MTFR1: variants seen among roughly 807,000 people sequenced by gnomAD.
The protein encoded by MTFR1 is chondrocyte protein with a poly-proline region.
A neutral mutation model predicts 38.8 loss-of-function variants in MTFR1; 28 were observed. The ratio of observed to expected loss-of-function variants is 0.72; its 90% CI spans 0.53 to 0.99. The LOEUF (loss-of-function observed/expected upper bound fraction) is 0.99. MTFR1 is among the 50% of genes least tolerant of loss of function. The pLI is 0.00. For synonymous variants in MTFR1, 145 were observed against 137.0 expected (o/e 1.06, Z -0.41); for missense variants, 358 against 395.5 (o/e 0.91, Z 0.81).
rs775190651 is a variant in MTFR1, at chr8:65,707,838, C to G, written c.765-5C>G. The stretch of plus-strand genomic sequence containing the variant: ...GTCCCCTTGGTTTGTGTTCACTTCT[C>G]TAAGGTCAGAGCAAGATGTGAAGCC... On this transcript the variant is annotated splice_region_variant and splice_polypyrimidine_tract_variant and intron_variant, in intron 6 of 7. Transcript: ENST00000262146. The G allele has an allele frequency of 1.2e-5, 20 of 1,613,094 alleles. No individual in the cohort carries two copies. The South Asian group carries it at 1.3e-4, about 11-fold the overall frequency.
rs1805899723 is a variant in MTFR1, at chr8:65,710,052, T to G, written c.*1008T>G. ...GAAGTGGAGAACTGCCTTTTTCATC[T>G]GGGGCTTTTAAGGACTTGCTATAAA... On this transcript the variant is annotated 3_prime_UTR_variant, in exon 8 of 8. Transcript: ENST00000262146. 1 of 152,216 alleles carries G rather than the reference T, an allele frequency of 6.6e-6. No individual in the cohort carries two copies. Among genetic ancestry groups the G allele is most frequent in the Admixed American group, 6.5e-5 (1 of 15,276 alleles). 9.4% of individuals were successfully genotyped at this position (152,216 alleles called of 1,614,324 possible). A position where few individuals can be genotyped will look rare whatever the true frequency, so the allele number is the denominator to read the frequency against.
chr8:65,662,032 C>CCT (rs528476639), intron 1 of MTFR1, among the ~76,000 whole-genome samples: 1,028 of 100,336 alleles, frequency 0.01, 48 homozygotes, highest in Middle Eastern at 0.031. Flanking sequence ...TCTCTCTCTC[C>CCT]CTCTCTCTCC....
rs113930207 is a variant in MTFR1 at position 65,744,979 on chromosome 8, A to G, written c.*48+25498A>G. Among the ~76,000 whole-genome samples, 1,105 of 152,308 alleles carry G rather than the reference A, an allele frequency of 7.3e-3. 4 individuals are homozygous for G. Among genetic ancestry groups the G allele is most frequent in the Middle Eastern group, 0.014 (4 of 294 alleles). Reference sequence around the variant, plus strand: ...AATCTCACCTTGAATTGTAGTTCCCATAATTCCCATGTGTTGTGGGAGGGA... The same window carrying G: ...AATCTCACCTTGAATTGTAGTTCCCGTAATTCCCATGTGTTGTGGGAGGGA... On this transcript the variant is annotated intron_variant, in intron 3 of 3. Coordinates refer to the MTFR1 transcript ENST00000521247.
chr8:65,654,896 T>A (rs1371321908), intron 1 of MTFR1, among the ~76,000 whole-genome samples: 25 of 152,074 alleles, frequency 1.6e-4, no homozygotes, highest in Non-Finnish European at 4.4e-5. Context: ...TTTATACACA[T>A]AATATGCAGG....
intron 4 of MTFR1, among the ~76,000 whole-genome samples, chr8:65,703,690 C>T (rs760000387): frequency 1.6e-4 from 24 of 152,052 alleles, no homozygotes; most frequent in Non-Finnish European, 3.4e-4. Flanking sequence ...CCACCTTGGG[C>T]TCCCAAAGTG....
At chr8:65,733,956 G>T (rs1431290552) in intron 3 of MTFR1, among the ~76,000 whole-genome samples, 1 of 152,146 alleles carries the variant, frequency 6.6e-6, no homozygotes, top group African/African-American at 2.4e-5. Context: ...AACTGCCAGG[G>T]ATAGGAAATG....
At chr8:65,656,100 G>T (rs1044191025) in intron 1 of MTFR1, among the ~76,000 whole-genome samples, 2 of 149,518 alleles carry the variant, frequency 1.3e-5, no homozygotes, top group African/African-American at 5.0e-5. Context: ...GGAGGCTGAG[G>T]CAGGAGAATC....
At chr8:65,708,206 T>C (rs1805843563) in intron 7 of MTFR1, 195 bp downstream of exon 7, 4 of 1,102,962 alleles carry the variant, frequency 3.6e-6, no homozygotes, top group Non-Finnish European at 5.1e-6. Flanking sequence ...ATTTACACTT[T>C]TACTTTTCTA....
rs1449114516 is a variant in MTFR1, at chr8:65,709,765, G to C, written c.*721G>C. ...GGAAGAAAGATGTAGTTTTCCAGTAGTGATGAATCAAATTATTGAATTAAA... is the reference window on the plus strand; with the variant it reads ...GGAAGAAAGATGTAGTTTTCCAGTACTGATGAATCAAATTATTGAATTAAA... On this transcript the variant is annotated 3_prime_UTR_variant, in exon 8 of 8. Coordinates refer to ENST00000262146, the MANE Select transcript of MTFR1 (RefSeq NM_014637.4). The C allele has an allele frequency of 6.5e-6, 1 of 152,674 alleles. No individual in the cohort carries two copies. Among genetic ancestry groups the C allele is most frequent in the Non-Finnish European group, 1.5e-5 (1 of 68,046 alleles). 9.5% of individuals were successfully genotyped at this position (152,674 alleles called of 1,614,324 possible). A position where few individuals can be genotyped will look rare whatever the true frequency, so the allele number is the denominator to read the frequency against.
At chr8:65,741,762 T>C (rs890552585) in intron 3 of MTFR1, among the ~76,000 whole-genome samples, 2 of 152,250 alleles carry the variant, frequency 1.3e-5, no homozygotes, top group Non-Finnish European at 2.9e-5. Context: ...AGAATGTTTA[T>C]TCATTCTCTG....
Position 65,707,996 on chromosome 8 carries a change from C to T in MTFR1, c.918C>T (p.Thr306=). 3.1e-6 allele frequency: 5 copies of T among 1,612,474 alleles called. No homozygotes were observed. The highest frequency in any genetic ancestry group is 4.2e-6 in the Non-Finnish European group (5 of 1,179,716). Reference sequence around the variant, plus strand: ...TTCCAAAGTCTGAATCAGAGGCCACCTCAGAGAGAGTGTTGGTGAGTTATT... The same window carrying T: ...TTCCAAAGTCTGAATCAGAGGCCACTTCAGAGAGAGTGTTGGTGAGTTATT... ...KGIPKSESEA[T]SERVLFGPHM... is the part of the protein sequence containing the mutation. Residue 306 remains threonine, a synonymous_variant, in exon 7 of 8, where the codon ACC becomes ACT. Transcript: ENST00000262146.
chr8:65,765,428 G>A (rs1455958052), intron 3 of MTFR1: 1 of 129,150 alleles, frequency 7.7e-6, no homozygotes, highest in Non-Finnish European at 1.6e-5. Flanking sequence ...GGCGGAGCTT[G>A]CAGTGAGCCG....
At chr8:65,715,168 GTAA>G (rs2129061677), downstream of MTFR1, among the ~76,000 whole-genome samples, 1 of 152,106 alleles carries the variant, frequency 6.6e-6, no homozygotes, top group South Asian at 2.1e-4. Context: ...TTTTAAAAAA[GTAA>G]TCTTTTAAAT....
At chr8:65,673,915 A>G (rs1378492230) in intron 2 of MTFR1, among the ~76,000 whole-genome samples, 1 of 152,202 alleles carries the variant, frequency 6.6e-6, no homozygotes, top group East Asian at 1.9e-4. Context: ...CAAAAAAAAA[A>G]TAGTAATGCA....
intron 4 of MTFR1, among the ~76,000 whole-genome samples, chr8:65,699,046 A>G (rs1805535767): frequency 6.6e-6 from 1 of 152,044 alleles, no homozygotes; most frequent in Admixed American, 6.6e-5. Flanking sequence ...CTTTTTGTCC[A>G]TGTGCACTCA....
intron 4 of MTFR1, among the ~76,000 whole-genome samples, chr8:65,702,543 G>A (rs533980639): frequency 1.3e-4 from 19 of 151,878 alleles, no homozygotes; most frequent in Non-Finnish European, 2.2e-4. Flanking sequence ...CAAGTGATCC[G>A]CCTGCCTCAG....
intron 1 of MTFR1, among the ~76,000 whole-genome samples, chr8:65,650,009 T>G (rs1809075993): frequency 6.6e-6 from 1 of 151,734 alleles, no homozygotes; most frequent in Non-Finnish European, 1.5e-5. Flanking sequence ...CGGCTGATTT[T>G]TGTATTTTTA....
At chr8:65,725,307 G>A (rs1040456471) in intron 3 of MTFR1, 2 of 157,260 alleles carry the variant, frequency 1.3e-5, no homozygotes, top group African/African-American at 4.8e-5. Flanking sequence ...ACTTTGGTTT[G>A]CTTTTTAGTG....
At chr8:65,764,854 A>G (rs1211753338) in intron 3 of MTFR1, among the ~76,000 whole-genome samples, 3 of 152,244 alleles carry the variant, frequency 2.0e-5, no homozygotes, top group African/African-American at 7.2e-5. Context: ...GCTTTCATAC[A>G]GTCATTGTAA....
Sources: allele counts gnomAD v4.1 joint callset (sites outside exome capture counted in the v4.1 genomes callset), GRCh38; gene constraint gnomAD v4.1.1; transcripts MANE v1.5; gene names NCBI Gene and HGNC (gene_info 2026-07-23, HGNC 2026-07-21).